The following GALNT11 variants were observed in gnomAD, a reference collection of about 807,000 sequenced individuals.
The protein encoded by GALNT11 is UDP-GalNAc:polypeptide N-acetylgalactosaminyltransferase 11.
GALNT11 carries 47 observed loss-of-function variants against 72.7 expected under a neutral mutation model. The observed-to-expected ratio is 0.65, with a 90% CI of 0.51 to 0.82. The LOEUF is 0.82. GALNT11 is among the 40% of genes least tolerant of loss of function. GALNT11 has a pLI of 0.00. For missense variants in GALNT11, 677 were observed against 778.4 expected (o/e 0.87, Z 1.55); for synonymous variants, 270 against 286.6 (o/e 0.94, Z 0.58).
At chr7:152,075,811 A>G (rs2129014664) in intron 1 of GALNT11, among the ~76,000 whole-genome samples, 1 of 151,412 alleles carries the variant, frequency 6.6e-6, no homozygotes, top group East Asian at 1.9e-4. Context: ...AAAAAAAAAA[A>G]GACACTTTGG....
chr7:152,075,888 C>T (rs1349231465), intron 1 of GALNT11, among the ~76,000 whole-genome samples: 3 of 151,456 alleles, frequency 2.0e-5, no homozygotes, highest in Admixed American at 1.3e-4. Context: ...ACTGAAACCC[C>T]GTCTCTACTA....
At chr7:152,056,942 G>T (rs1248325094) in intron 1 of GALNT11, among the ~76,000 whole-genome samples, 1 of 150,564 alleles carries the variant, frequency 6.6e-6, no homozygotes, top group Non-Finnish European at 1.5e-5. Flanking sequence ...AGGCTCAAGT[G>T]ATCCTTCCAC....
intron 3 of GALNT11, among the ~76,000 whole-genome samples, chr7:152,102,545 A>G (rs2087048834): frequency 6.6e-6 from 1 of 152,102 alleles, no homozygotes; most frequent in African/African-American, 2.4e-5. Flanking sequence ...CGTCTCAAAA[A>G]AAGAAAAAAT....
chr7:152,072,238 C>G (rs1587159269), intron 1 of GALNT11, among the ~76,000 whole-genome samples: 1 of 141,818 alleles, frequency 7.1e-6, no homozygotes, highest in Non-Finnish European at 1.5e-5. Flanking sequence ...AGAATTGCTT[C>G]AACCTGGGAG....
chr7:152,056,664 C>T (rs560464515), intron 1 of GALNT11, among the ~76,000 whole-genome samples: 1 of 152,250 alleles, frequency 6.6e-6, no homozygotes, highest in South Asian at 2.1e-4. Context: ...TATACAGAGA[C>T]ACACACCAAA....
At chr7:152,036,970 T>C (rs2082611615) in intron 1 of GALNT11, among the ~76,000 whole-genome samples, 1 of 152,262 alleles carries the variant, frequency 6.6e-6, no homozygotes, top group African/African-American at 2.4e-5. Flanking sequence ...GAGTTTCTTA[T>C]GTATTCTGGT....
chr7:152,057,004 A>ATTTTTTTTTTTTTTTTT (rs71198754), intron 1 of GALNT11, among the ~76,000 whole-genome samples: 2 of 74,930 alleles, frequency 2.7e-5, no homozygotes, highest in African/African-American at 4.7e-5. Context: ...ATGCCCAGCT[A>ATTTTTTTTTTTTTTTTT]TTTTTTTTTT....
intron 7 of GALNT11, 109 bp from the exon 8 acceptor site, chr7:152,113,137 C>T (rs2088424949): frequency 3.4e-6 from 4 of 1,159,848 alleles, no homozygotes; most frequent in South Asian, 1.7e-5. Flanking sequence ...AATATCTTGC[C>T]AAGTTTCATA....
intron 1 of GALNT11, among the ~76,000 whole-genome samples, chr7:152,092,238 G>A (rs1210259399): frequency 2.0e-5 from 3 of 152,172 alleles, no homozygotes; most frequent in South Asian, 4.1e-4. Flanking sequence ...TCCCCTAAAT[G>A]TCACTGCTCT....
At chr7:152,111,628 GTATA>G (rs139640614) in intron 7 of GALNT11, among the ~76,000 whole-genome samples, 2 of 144,818 alleles carry the variant, frequency 1.4e-5, no homozygotes, top group Non-Finnish European at 1.5e-5. Context: ...GTGTGTGTGT[GTATA>G]TATATATATA....
intron 1 of GALNT11, among the ~76,000 whole-genome samples, chr7:152,032,227 C>G (rs1204636194): frequency 6.6e-6 from 1 of 152,176 alleles, no homozygotes; most frequent in Non-Finnish European, 1.5e-5. Flanking sequence ...CCTGACCAAA[C>G]AGATGAGGGC....
At chr7:152,108,330 C>T (rs779214269) in intron 6 of GALNT11, 43 bp downstream of exon 6, 18 of 1,568,120 alleles carry the variant, frequency 1.1e-5, no homozygotes, top group Admixed American at 1.8e-5. Flanking sequence ...CCAGTGCTTC[C>T]TTAAAAGAGA....
At chr7:152,043,843 TC>T (rs1170342500) in intron 1 of GALNT11, among the ~76,000 whole-genome samples, 1 of 152,172 alleles carries the variant, frequency 6.6e-6, no homozygotes, top group East Asian at 1.9e-4. Context: ...TCCTTCCTCC[TC>T]ATCAGTGTGA....
At chr7:152,033,760 A>G (rs562148523) in intron 1 of GALNT11, among the ~76,000 whole-genome samples, 8 of 152,316 alleles carry the variant, frequency 5.3e-5, no homozygotes, top group South Asian at 4.1e-4. Context: ...ATCTGAGTCA[A>G]GGTCCCAGTG....
At chr7:152,119,541 ACT>A (rs1334704887) in intron 10 of GALNT11, 2 of 152,142 alleles carry the variant, frequency 1.3e-5, no homozygotes, top group African/African-American at 2.4e-5. Context: ...GGTCACGCCC[ACT>A]GTCTCAGGTG....
intron 5 of GALNT11, chr7:152,107,265 A>G (rs930099530): frequency 6.6e-6 from 1 of 151,586 alleles, no homozygotes; most frequent in Non-Finnish European, 1.5e-5. Context: ...AAAAAACCTC[A>G]GTTCTGCTCA....
intron 1 of GALNT11, among the ~76,000 whole-genome samples, chr7:152,079,034 T>A (rs1033895140): frequency 1.3e-5 from 2 of 152,230 alleles, no homozygotes; most frequent in Non-Finnish European, 2.9e-5. Context: ...ATGAATGGCA[T>A]AGCTGACACA....
intron 1 of GALNT11, among the ~76,000 whole-genome samples, chr7:152,073,179 A>G (rs1406094026): frequency 1.3e-5 from 2 of 152,170 alleles, no homozygotes; most frequent in Non-Finnish European, 2.9e-5. Flanking sequence ...CCTTATAGCT[A>G]TTTGAAACTC....
chr7:152,066,330 G>A (rs577807755), intron 1 of GALNT11, among the ~76,000 whole-genome samples: 17 of 152,304 alleles, frequency 1.1e-4, no homozygotes, highest in South Asian at 8.3e-4. Flanking sequence ...TCAAGGTACC[G>A]TCTGTTACAG....
Sources: allele counts gnomAD v4.1 joint callset (sites outside exome capture counted in the v4.1 genomes callset), GRCh38; gene constraint gnomAD v4.1.1; transcripts MANE v1.5; gene names NCBI Gene and HGNC (gene_info 2026-07-23, HGNC 2026-07-21).